Variants in ARID5B observed in about 807,000 individuals in gnomAD.
The protein encoded by ARID5B is AT-rich interaction domain 5B.
ARID5B carries 13 observed loss-of-function variants against 97.2 expected under a neutral mutation model. The observed-to-expected ratio is 0.13, with a 90% CI of 0.09 to 0.21. ARID5B has a LOEUF of 0.21. Ranked by LOEUF, ARID5B falls within the 10% of genes least tolerant of loss-of-function variation. The pLI is 1.00. For synonymous variants in ARID5B, 556 were observed against 570.3 expected, an observed-to-expected ratio of 0.97 and a Z score of 0.36; for missense variants, 1,210 against 1,465.3, an observed-to-expected ratio of 0.83 and a Z score of 2.84.
In ARID5B at chr10:62,091,443, A is replaced by G. The variant is rs773119859; in HGVS notation, c.1980A>G (p.Lys660=). ...AGTCGTTTGACATGTTCAAAGACAA[A>G]GACCTGACTGGGCCCATGAACGAGA... ...VVQSFDMFKD[K]DLTGPMNENH... Residue 660 remains lysine, a synonymous_variant, in exon 10 of 10, where the codon AAA becomes AAG. Transcript: ENST00000279873. 6.2e-7 allele frequency: 1 copy of G among 1,611,854 alleles called. No homozygotes were observed. The highest frequency in any genetic ancestry group is 1.1e-5 in the South Asian group (1 of 90,800).
chr10:62,043,135 A>G (rs1839662947), intron 4 of ARID5B, among the ~76,000 whole-genome samples: 1 of 152,130 alleles, frequency 6.6e-6, no homozygotes, highest in Non-Finnish European at 1.5e-5. Context: ...CCTGGAGGAT[A>G]TTGCAGACAG....
intron 4 of ARID5B, among the ~76,000 whole-genome samples, chr10:62,034,858 A>G (rs1839541530): frequency 1.3e-5 from 2 of 152,340 alleles, no homozygotes; most frequent in South Asian, 4.1e-4. Context: ...AGCTCTGCAG[A>G]GATGGGGTTC....
intron 4 of ARID5B, among the ~76,000 whole-genome samples, chr10:62,035,456 G>A (rs1839550780): frequency 6.6e-6 from 1 of 152,190 alleles, no homozygotes; most frequent in Non-Finnish European, 1.5e-5. Flanking sequence ...CCAGGTGCCA[G>A]GATCAAAGCA....
intron 2 of ARID5B, among the ~76,000 whole-genome samples, chr10:61,905,239 G>A (rs763466144): frequency 6.6e-6 from 1 of 152,212 alleles, no homozygotes; most frequent in Non-Finnish European, 1.5e-5. Flanking sequence ...ACCAAATGGA[G>A]ATTAATAATT....
intron 3 of ARID5B, among the ~76,000 whole-genome samples, chr10:61,955,377 A>G (rs1838378063): frequency 6.6e-6 from 1 of 152,236 alleles, no homozygotes; most frequent in Admixed American, 6.5e-5. Context: ...CTCACATTTC[A>G]TTAATCAATG....
rs571583201 is a variant in ARID5B at position 62,013,379 on chromosome 10, A to T, written c.733+13058A>T. On this transcript the variant is annotated intron_variant, in intron 4 of 9. Coordinates refer to ENST00000279873, the MANE Select transcript of ARID5B (RefSeq NM_032199.3). ...ATGTGTTGTTTTGAAATATGTATAC[A>T]TTGTGGAATGGCTAAATTGATGTAA... 2.0e-5 allele frequency among the ~76,000 whole-genome samples: 3 copies of T among 152,292 alleles called. No homozygotes were observed. The South Asian group carries it at 6.2e-4, about 32-fold the overall frequency.
chr10:62,096,495 AAAGT>A lies in ARID5B; in HGVS notation c.*3466_*3469del. The A allele has an allele frequency of 4.3e-6, 1 of 233,438 alleles. No individual in the cohort carries two copies. Among genetic ancestry groups the A allele is most frequent in the Non-Finnish European group, 8.5e-6 (1 of 117,998 alleles). The allele number at this position is 233,438 out of a possible 1,614,324, so 14.5% of individuals were successfully genotyped here. ...ATTGCAATGATTATCTTGAGCACTT[AAAGT>A]CCAGTGTTGGCTGTTAGTGTATTTG... On this transcript the variant is annotated 3_prime_UTR_variant, in exon 10 of 10. Coordinates refer to ENST00000279873, the MANE Select transcript of ARID5B (RefSeq NM_032199.3).
intron 8 of ARID5B, among the ~76,000 whole-genome samples, chr10:62,077,578 A>G (rs1012334148): frequency 1.3e-5 from 2 of 151,910 alleles, no homozygotes; most frequent in Non-Finnish European, 2.9e-5. Flanking sequence ...GAGCTCCTTT[A>G]TTGTCTCATT....
At chr10:62,018,215 G>A (rs73274369) in intron 4 of ARID5B, among the ~76,000 whole-genome samples, 12,126 of 152,194 alleles carry the variant, frequency 0.08, 724 homozygotes, top group Admixed American at 0.16. Flanking sequence ...CTCTCCCTTC[G>A]TTTGAGTTTA....
intron 3 of ARID5B, among the ~76,000 whole-genome samples, chr10:61,987,192 A>T: frequency 6.6e-6 from 1 of 152,222 alleles, no homozygotes; most frequent in East Asian, 1.9e-4. Context: ...AGCAGAAGCC[A>T]GCCAGCCCAT....
rs1354442578 is a variant in ARID5B, at chr10:62,050,737, A to T, written c.734-151A>T. 2.0e-5 allele frequency: 13 copies of T among 647,488 alleles called. No individual in the cohort carries two copies. The Admixed American group carries it at 3.2e-4, about 16-fold the overall frequency. The allele number at this position is 647,488 out of a possible 1,614,324, so 40.1% of individuals were successfully genotyped here. ...TCTACCAATATGCAAGCCTTCAGAGAGAGAAGCATGTAATAATGAGGGCTG... is the reference window on the plus strand; with the variant it reads ...TCTACCAATATGCAAGCCTTCAGAGTGAGAAGCATGTAATAATGAGGGCTG... On this transcript the variant is annotated intron_variant, in intron 4 of 9. Coordinates refer to ENST00000279873, the MANE Select transcript of ARID5B (RefSeq NM_032199.3).
intron 3 of ARID5B, among the ~76,000 whole-genome samples, chr10:61,946,636 A>G (rs1838238376): frequency 6.6e-6 from 1 of 152,152 alleles, no homozygotes; most frequent in Non-Finnish European, 1.5e-5. Flanking sequence ...ACTAAAACGA[A>G]TTTGGGCCAG....
intron 8 of ARID5B, among the ~76,000 whole-genome samples, chr10:62,083,681 A>T (rs1840245625): frequency 6.6e-6 from 1 of 152,252 alleles, no homozygotes; most frequent in Non-Finnish European, 1.5e-5. Flanking sequence ...ACAAAACAAA[A>T]GTAAAACAAA....
intron 3 of ARID5B, among the ~76,000 whole-genome samples, chr10:61,973,587 A>G (rs1838659907): frequency 6.6e-6 from 1 of 152,254 alleles, no homozygotes; most frequent in Non-Finnish European, 1.5e-5. Context: ...GCATACACAC[A>G]CACACACACA....
At chr10:62,009,310 G>A (rs1459692313) in intron 4 of ARID5B, among the ~76,000 whole-genome samples, 1 of 152,194 alleles carries the variant, frequency 6.6e-6, no homozygotes, top group East Asian at 1.9e-4. Context: ...GAAGATTGGT[G>A]CATTCTAATG....
rs533053700 is a variant in ARID5B, at chr10:62,017,085, G to A, written c.733+16764G>A. On this transcript the variant is annotated intron_variant, in intron 4 of 9. Coordinates refer to ENST00000279873, the MANE Select transcript of ARID5B (RefSeq NM_032199.3). ...AGGACACCACGTAAGGGGAAGTAGT[G>A]ATTAATGCATAAACAGTATGTGCCT... 6.6e-5 allele frequency among the ~76,000 whole-genome samples: 10 copies of A among 152,314 alleles called. No individual in the cohort carries two copies. The South Asian group carries it at 2.1e-3, about 32-fold the overall frequency.
intron 4 of ARID5B, among the ~76,000 whole-genome samples, chr10:62,049,730 A>T (rs1839760343): frequency 6.6e-6 from 1 of 152,210 alleles, no homozygotes; most frequent in Non-Finnish European, 1.5e-5. Context: ...GGAGAAAATC[A>T]AATTAGTAGG....
chr10:62,043,550 T>G (rs1039454498), intron 4 of ARID5B, among the ~76,000 whole-genome samples: 7 of 152,228 alleles, frequency 4.6e-5, no homozygotes, highest in African/African-American at 1.7e-4. Context: ...CTTGCTTGTG[T>G]TTTAATGGCA....
At chr10:61,915,908 A>C (rs1414675357) in intron 2 of ARID5B, among the ~76,000 whole-genome samples, 1 of 152,102 alleles carries the variant, frequency 6.6e-6, no homozygotes, top group Non-Finnish European at 1.5e-5. Context: ...GGTGCCCACC[A>C]CCATGCCTGG....
Sources: gnomAD v4.1 joint callset for allele counts (sites outside exome capture counted in the v4.1 genomes callset) on GRCh38, gnomAD v4.1.1 for gene constraint, MANE v1.5 for transcripts, NCBI Gene and HGNC (gene_info 2026-07-23, HGNC 2026-07-21) for gene names.